The following CDKN2B-AS1 variants were observed in gnomAD, a reference collection of about 807,000 sequenced individuals.
CDKN2B-AS1 encodes the protein CDKN2B and CDKN2A antisense cis and trans regulatory RNA 1.
chr9:22,121,982 T>C (rs1047861889), intron 4 of CDKN2B-AS1, among the ~76,000 whole-genome samples: 1 of 152,042 alleles, frequency 6.6e-6, no homozygotes, highest in African/African-American at 2.4e-5. Flanking sequence ...CTGTCCTCCA[T>C]AGTGGTTGTA....
intron 4 of CDKN2B-AS1, among the ~76,000 whole-genome samples, chr9:22,061,189 C>T (rs970101614): frequency 6.6e-6 from 1 of 152,148 alleles, no homozygotes; most frequent in Non-Finnish European, 1.5e-5. Context: ...CAAACAGCAA[C>T]CATGACCATC....
chr9:22,108,422 A>G (rs563286145), intron 4 of CDKN2B-AS1, among the ~76,000 whole-genome samples: 60 of 152,286 alleles, frequency 3.9e-4, no homozygotes, highest in Admixed American at 7.9e-4. Context: ...GGGCACGTTC[A>G]GGGTGGTATG....
intron 4 of CDKN2B-AS1, among the ~76,000 whole-genome samples, chr9:22,072,669 C>T (rs1302686823): frequency 6.6e-6 from 1 of 152,116 alleles, no homozygotes; most frequent in African/African-American, 2.4e-5. Context: ...TTCCTTGGAC[C>T]ATGTTTTAGT....
In CDKN2B-AS1 at chr9:21,995,234, G is replaced by A. The variant is rs1820595060; in HGVS notation, n.29+73G>A. 1 of 152,234 alleles carries A rather than the reference G, an allele frequency of 6.6e-6. No homozygotes were observed. Among genetic ancestry groups the A allele is most frequent in the African/African-American group, 2.4e-5 (1 of 41,452 alleles). 9.4% of individuals were successfully genotyped at this position (152,234 alleles called of 1,614,324 possible). ...TCCCCTCCCAGCTGCCCGCGTCGCC[G>A]AGGGCGCCTGGCTGGGACAAGCACC... On this transcript the variant is annotated intron_variant and non_coding_transcript_variant, in intron 1 of 4. Coordinates refer to ENST00000650946, the Ensembl canonical transcript of CDKN2B-AS1. The surrounding 1 kb of genome is among the most constrained non-coding windows in gnomAD (Gnocchi z 5.7).
At position 22,109,233 on chromosome 9, in the gene CDKN2B-AS1, A is replaced by G. The variant is rs1385909001; in HGVS notation, n.439-17870A>G. Among the ~76,000 whole-genome samples, 5 of 152,268 alleles carry G rather than the reference A, an allele frequency of 3.3e-5. No individual in the cohort carries two copies. In the East Asian group the frequency reaches 7.7e-4, roughly 23 times the overall value. The stretch of plus-strand genomic sequence containing the variant: ...GTTCAAGAGTTCAGCCATAATACCT[A>G]CTTTCCCTATCAGCTGGCTCAAGCT... On this transcript the variant is annotated intron_variant and non_coding_transcript_variant, in intron 4 of 4. Transcript: ENST00000650946.
At position 22,072,018 on chromosome 9, in the gene CDKN2B-AS1, CAGA is replaced by C. The variant is rs545876049; in HGVS notation, n.438+15637_438+15639del. Among the ~76,000 whole-genome samples the C allele has an allele frequency of 3.3e-5, 5 of 152,296 alleles. No homozygotes were observed. In the East Asian group the frequency reaches 9.6e-4, roughly 29 times the overall value. The stretch of plus-strand genomic sequence containing the variant: ...GGCAATACCATAAGTGTTCAGCAGT[CAGA>C]AGAAGGGACAGGGGAAAGTCCTGAG... On this transcript the variant is annotated intron_variant and non_coding_transcript_variant, in intron 4 of 4. Coordinates refer to ENST00000650946, the Ensembl canonical transcript of CDKN2B-AS1.
intron 4 of CDKN2B-AS1, among the ~76,000 whole-genome samples, chr9:22,089,832 T>C (rs1001169954): frequency 6.6e-6 from 1 of 152,148 alleles, no homozygotes; most frequent in Non-Finnish European, 1.5e-5. Context: ...ACTAAATTCT[T>C]TTTTTTAATT....
chr9:22,037,961 A>G (rs2131259243), intron 1 of CDKN2B-AS1, among the ~76,000 whole-genome samples: 1 of 152,150 alleles, frequency 6.6e-6, no homozygotes, highest in African/African-American at 2.4e-5. Context: ...ATGTTTTCCT[A>G]AGAGTAGGCA....
At chr9:22,076,713 G>T (rs182304706) in intron 4 of CDKN2B-AS1, among the ~76,000 whole-genome samples, 1 of 151,864 alleles carries the variant, frequency 6.6e-6, no homozygotes, top group Non-Finnish European at 1.5e-5. Flanking sequence ...ATTTTTTTGA[G>T]ACAAGGTCTC....
chr9:22,007,870 T>A (rs1341689405), intron 1 of CDKN2B-AS1, among the ~76,000 whole-genome samples: 2 of 152,190 alleles, frequency 1.3e-5, no homozygotes, highest in East Asian at 3.8e-4. Flanking sequence ...CCCTCATTTG[T>A]TATACCATTA....
At chr9:22,063,115 G>A (rs1823894268) in intron 4 of CDKN2B-AS1, among the ~76,000 whole-genome samples, 1 of 152,070 alleles carries the variant, frequency 6.6e-6, no homozygotes, top group Non-Finnish European at 1.5e-5. Flanking sequence ...TTAGGAGAGA[G>A]ATGTGAACGA....
At chr9:22,032,596 T>G (rs1347400344) in intron 1 of CDKN2B-AS1, 3 of 152,048 alleles carry the variant, frequency 2.0e-5, no homozygotes, top group African/African-American at 7.2e-5. Context: ...TTCATTTTTT[T>G]ATTTATGGGA....
intron 4 of CDKN2B-AS1, among the ~76,000 whole-genome samples, chr9:22,068,348 A>ATG (rs1490519772): frequency 6.6e-6 from 1 of 152,214 alleles, no homozygotes; most frequent in African/African-American, 2.4e-5. Flanking sequence ...GAAAGCTCAG[A>ATG]ATGCAAGGGA....
At chr9:22,094,834 A>G (rs551522633) in intron 4 of CDKN2B-AS1, among the ~76,000 whole-genome samples, 1 of 144,188 alleles carries the variant, frequency 6.9e-6, no homozygotes, top group East Asian at 2.0e-4. Context: ...TTCTCCATCC[A>G]GCTTTGTTCC....
chr9:22,072,608 T>C (rs1824341507), intron 4 of CDKN2B-AS1, among the ~76,000 whole-genome samples: 1 of 152,248 alleles, frequency 6.6e-6, no homozygotes, highest in South Asian at 2.1e-4. Context: ...GGTGGTTATT[T>C]ATAGCACAGC....
intron 4 of CDKN2B-AS1, among the ~76,000 whole-genome samples, chr9:22,085,720 CAAAAA>C (rs5896963): frequency 1.1e-3 from 132 of 117,878 alleles, no homozygotes; most frequent in Middle Eastern, 7.8e-3. Context: ...GACTCCGTCT[CAAAAA>C]AAAAAAAAAA....
intron 4 of CDKN2B-AS1, among the ~76,000 whole-genome samples, chr9:22,065,223 A>G (rs2131304956): frequency 6.6e-6 from 1 of 152,290 alleles, no homozygotes; most frequent in African/African-American, 2.4e-5. Flanking sequence ...TTTCTATTAC[A>G]AAGCCCAGAC....
chr9:22,035,425 C>T (rs1822647769), intron 1 of CDKN2B-AS1, among the ~76,000 whole-genome samples: 2 of 152,014 alleles, frequency 1.3e-5, no homozygotes, highest in African/African-American at 4.8e-5. Context: ...TGTTTATTTT[C>T]CTTGTTGGGT....
At chr9:22,087,341 A>G (rs1421375290) in intron 4 of CDKN2B-AS1, among the ~76,000 whole-genome samples, 15 of 152,234 alleles carry the variant, frequency 9.9e-5, no homozygotes, top group Non-Finnish European at 5.9e-5. Context: ...GGATACAATT[A>G]CATGCTACCG....
Sources: allele counts gnomAD v4.1 joint callset (sites outside exome capture counted in the v4.1 genomes callset), GRCh38; gene constraint gnomAD v4.1.1; non-coding constraint Gnocchi (gnomAD v3.1); transcripts MANE v1.5; gene names NCBI Gene and HGNC (gene_info 2026-07-23, HGNC 2026-07-21).